Variants in CHN2 observed in about 807,000 individuals in gnomAD.
The protein encoded by CHN2 is chimerin 2.
Under a neutral mutation model 56.3 loss-of-function variants are expected in CHN2, and 35 were observed. The ratio of observed to expected loss-of-function variants is 0.62; its 90% CI spans 0.47 to 0.82. CHN2 has a LOEUF of 0.82. CHN2 is among the 40% of genes least tolerant of loss of function. CHN2 has a pLI of 0.00. For synonymous variants in CHN2, 210 were observed against 212.8 expected, an observed-to-expected ratio of 0.99 and a Z score of 0.12; for missense variants, 491 against 580.5, an observed-to-expected ratio of 0.85 and a Z score of 1.58.
At chr7:29,375,681 T>C (rs1800020964) in intron 3 of CHN2, among the ~76,000 whole-genome samples, 1 of 152,228 alleles carries the variant, frequency 6.6e-6, no homozygotes, top group Non-Finnish European at 1.5e-5. Context: ...TACTCATTGA[T>C]CTCAGGTGGT....
At chr7:29,247,760 T>G (rs1044211987) in intron 1 of CHN2, among the ~76,000 whole-genome samples, 29 of 152,350 alleles carry the variant, frequency 1.9e-4, no homozygotes, top group Non-Finnish European at 3.7e-4. Flanking sequence ...GTTCTGTTAT[T>G]TCCTCTGCCA....
chr7:29,160,642 C>T (rs186277897), intron 2 of CHN2, among the ~76,000 whole-genome samples: 75 of 152,250 alleles, frequency 4.9e-4, no homozygotes, highest in Non-Finnish European at 8.8e-4. Flanking sequence ...AGCACCTTGA[C>T]TCCTAATTTG....
intron 1 of CHN2, among the ~76,000 whole-genome samples, chr7:29,234,934 G>A (rs1489584011): frequency 6.6e-6 from 1 of 152,152 alleles, no homozygotes; most frequent in Non-Finnish European, 1.5e-5. Context: ...AACATTTAGA[G>A]GAGATAGCAT....
chr7:29,382,006 C>T (rs1800551903), intron 3 of CHN2, among the ~76,000 whole-genome samples: 1 of 151,968 alleles, frequency 6.6e-6, no homozygotes, highest in Admixed American at 6.6e-5. Flanking sequence ...GTCCAACCTG[C>T]CCTTTGCACC....
At chr7:29,479,800 T>C in intron 6 of CHN2, 1 of 1,232,942 alleles carries the variant, frequency 8.1e-7, no homozygotes, top group Non-Finnish European at 1.0e-6. Context: ...TGCCGGCCCC[T>C]GCCTCCCTGA....
chr7:29,278,999 C>A (rs1220011146), intron 1 of CHN2, among the ~76,000 whole-genome samples: 4 of 152,072 alleles, frequency 2.6e-5, no homozygotes, highest in African/African-American at 4.8e-5. Context: ...CCAGCTGTCC[C>A]CCCCCAACCC....
chr7:29,512,784 C>T lies in CHN2; in HGVS notation c.*49C>T. 7 of 1,552,522 alleles carry T rather than the reference C, an allele frequency of 4.5e-6. No homozygotes were observed. The highest frequency in any genetic ancestry group is 1.2e-5 in the South Asian group (1 of 84,160). On this transcript the variant is annotated 3_prime_UTR_variant, in exon 13 of 13. Coordinates refer to ENST00000222792, the MANE Select transcript of CHN2 (RefSeq NM_004067.4). ...GGCCCCAGCACCATCCAAGTTGACA[C>T]AGCTAAAGGAATAAAAACATTTCTT...
chr7:29,305,792 A>T (rs1794095581), intron 1 of CHN2, among the ~76,000 whole-genome samples: 1 of 83,082 alleles, frequency 1.2e-5, no homozygotes, highest in Non-Finnish European at 2.9e-5. Flanking sequence ...CCTCCCCTCC[A>T]TCCTCCCGTT....
intron 2 of CHN2, among the ~76,000 whole-genome samples, chr7:29,366,015 A>G (rs1799130006): frequency 6.6e-6 from 1 of 152,202 alleles, no homozygotes; most frequent in East Asian, 1.9e-4. Flanking sequence ...AACAACTTCT[A>G]GGATGCTGGT....
intron 7 of CHN2, among the ~76,000 whole-genome samples, chr7:29,495,167 A>G (rs1789133817): frequency 6.6e-6 from 1 of 152,152 alleles, no homozygotes; most frequent in Admixed American, 6.5e-5. Flanking sequence ...CTTTGATGCC[A>G]GTATTTTTGC....
upstream of CHN2, chr7:29,193,829 A>T (rs39050): frequency 6.6e-6 from 1 of 152,102 alleles, no homozygotes; most frequent in Non-Finnish European, 1.5e-5. Flanking sequence ...CTTTGACACC[A>T]GCTTTGTGTG....
At chr7:29,292,866 A>G (rs1056981315) in intron 1 of CHN2, 4 of 455,944 alleles carry the variant, frequency 8.8e-6, no homozygotes, top group Non-Finnish European at 1.8e-5. Flanking sequence ...AAGAAAATAT[A>G]TCTGTCACGG....
chr7:29,480,054 G>A, intron 6 of CHN2: 1 of 1,543,028 alleles, frequency 6.5e-7, no homozygotes, highest in Non-Finnish European at 8.8e-7. Flanking sequence ...AATCCTGACA[G>A]CACAGGGCTT....
chr7:29,160,094 T>A (rs1794972303), intron 2 of CHN2, among the ~76,000 whole-genome samples: 1 of 152,180 alleles, frequency 6.6e-6, no homozygotes, highest in Non-Finnish European at 1.5e-5. Flanking sequence ...TCTGGCTCTC[T>A]GATAAAGAAA....
intron 6 of CHN2, among the ~76,000 whole-genome samples, chr7:29,442,368 C>A (rs1385007221): frequency 1.3e-5 from 2 of 152,094 alleles, no homozygotes; most frequent in Non-Finnish European, 2.9e-5. Context: ...ACGTGCCAAC[C>A]AAATAGGATT....
chr7:29,394,241 CTTGTT>C (rs1163306802), intron 4 of CHN2, among the ~76,000 whole-genome samples: 1 of 152,194 alleles, frequency 6.6e-6, no homozygotes, highest in Non-Finnish European at 1.5e-5. Context: ...AATTTCAACT[CTTGTT>C]TTGTTTCACT....
chr7:29,214,090 T>G (rs979943776), intron 1 of CHN2, among the ~76,000 whole-genome samples: 23 of 152,198 alleles, frequency 1.5e-4, no homozygotes, highest in African/African-American at 5.1e-4. Flanking sequence ...TAAAGCCCCC[T>G]GGTAAATAAA....
chr7:29,473,478 TTTTTTG>T (rs1481796746), intron 6 of CHN2, among the ~76,000 whole-genome samples: 3 of 111,542 alleles, frequency 2.7e-5, no homozygotes, highest in Admixed American at 1.9e-4. Flanking sequence ...GTGTTTTTTT[TTTTTTG>T]TGTGTGTGTG....
intron 1 of CHN2, among the ~76,000 whole-genome samples, chr7:29,325,096 A>C (rs565067534): frequency 6.6e-6 from 1 of 152,148 alleles, no homozygotes; most frequent in South Asian, 2.1e-4. Context: ...CAGTCTATCC[A>C]TTATTATTTC....
Sources: gnomAD v4.1 joint callset for allele counts (sites outside exome capture counted in the v4.1 genomes callset) on GRCh38, gnomAD v4.1.1 for gene constraint, MANE v1.5 for transcripts, NCBI Gene and HGNC (gene_info 2026-07-23, HGNC 2026-07-21) for gene names.